The following MYO9B variants were observed in gnomAD, a reference collection of about 807,000 sequenced individuals.
The protein encoded by MYO9B is myosin IXB.
A neutral mutation model predicts 229.5 loss-of-function variants in MYO9B; 71 were observed. The observed-to-expected ratio is 0.31, with a 90% confidence interval of 0.26 to 0.38. The LOEUF is 0.38. Among genes scored for constraint, MYO9B ranks in the 10% least tolerant of loss-of-function variants. The pLI is 1.00. For synonymous variants in MYO9B, 1,185 were observed against 1,235.8 expected (o/e 0.96, Z 0.86); for missense variants, 2,255 against 2,920.5 (o/e 0.77, Z 5.25).
intron 1 of MYO9B, among the ~76,000 whole-genome samples, chr19:17,097,735 T>A (rs1429360423): frequency 6.6e-6 from 1 of 152,020 alleles, no homozygotes; most frequent in Non-Finnish European, 1.5e-5. Context: ...TCTCAGAGCC[T>A]CTAGTGGCCC....
chr19:17,137,840 A>C (rs1234973512), intron 2 of MYO9B, among the ~76,000 whole-genome samples: 3 of 151,552 alleles, frequency 2.0e-5, no homozygotes, highest in Non-Finnish European at 4.4e-5. Flanking sequence ...CCTGGGCTGA[A>C]GCAATCCTCC....
chr19:17,096,830 C>T (rs1277180256), intron 1 of MYO9B, among the ~76,000 whole-genome samples: 4 of 150,900 alleles, frequency 2.7e-5, no homozygotes, highest in African/African-American at 9.7e-5. Context: ...CTCAGCCTCC[C>T]GAGTAGCTGG....
chr19:17,099,617 C>G lies in MYO9B; in HGVS notation c.-58-2043C>G, dbSNP rs562664402. On this transcript the variant is annotated intron_variant, in intron 1 of 39. Transcript: ENST00000682292. ...GATCACGAGGTCAGGAGATAGAGAC[C>G]ATCCTGGCTAACATGGTGAAACTCC... Among the ~76,000 whole-genome samples, 303 of 151,992 alleles carry G rather than the reference C, an allele frequency of 2.0e-3. 1 individual carries two copies. Among genetic ancestry groups the G allele is most frequent in the Non-Finnish European group, 2.0e-3 (136 of 67,974 alleles).
chr19:17,129,402 C>T (rs1221124633), intron 2 of MYO9B, among the ~76,000 whole-genome samples: 4 of 142,444 alleles, frequency 2.8e-5, no homozygotes, highest in Non-Finnish European at 5.9e-5. Context: ...ACAGTTTCAA[C>T]AACAACAACA....
chr19:17,080,520 A>G (rs1412049188), intron 1 of MYO9B, among the ~76,000 whole-genome samples: 2 of 152,026 alleles, frequency 1.3e-5, no homozygotes, highest in Non-Finnish European at 2.9e-5. Context: ...CAGCAGTCAT[A>G]TGGAAGGGGG....
Position 17,172,852 on chromosome 19 carries a change from A to G in MYO9B, c.2029A>G (p.Met677Val), listed in dbSNP as rs1291428755. The change falls in exon 13 of 40, where the codon ATG becomes GTG. Residue 677 changes from methionine to valine, a missense_variant. By Grantham distance (21) the Met-to-Val change is conservative (BLOSUM62 1). Around this residue, in one of 7 missense-constraint regions of MYO9B, gnomAD observed 220 missense variants for 404.5 expected, o/e 0.54. Coordinates refer to ENST00000682292, the MANE Select transcript of MYO9B (RefSeq NM_004145.4). The surrounding 1 kb of genome is among the most constrained non-coding windows in gnomAD (Gnocchi z 8.2). Reference protein sequence around the residue: ...DSSYVRELIGMDPVAVFRWAV... With the variant: ...DSSYVRELIGVDPVAVFRWAV... ...CTCCTACGTGCGGGAGCTCATCGGC[A>G]TGGACCCCGTGGCCGTGTTCCGCTG... 5 of 1,610,176 alleles carry G rather than the reference A, an allele frequency of 3.1e-6. No homozygotes were observed. Among genetic ancestry groups the G allele is most frequent in the Non-Finnish European group, 4.2e-6 (5 of 1,179,798 alleles).
intron 6 of MYO9B, among the ~76,000 whole-genome samples, chr19:17,156,264 A>C (rs2072536579): frequency 6.6e-6 from 1 of 151,934 alleles, no homozygotes; most frequent in Admixed American, 6.6e-5. Context: ...AGACAGTTTC[A>C]CTAGCCAGGC....
intron 2 of MYO9B, among the ~76,000 whole-genome samples, chr19:17,144,691 A>G (rs2072385137): frequency 6.6e-6 from 1 of 150,808 alleles, no homozygotes; most frequent in Middle Eastern, 3.4e-3. Flanking sequence ...ATAAGAGACC[A>G]GGGGTGGTGG....
intron 8 of MYO9B, 104 bp from the exon 9 acceptor site, chr19:17,162,246 A>C: frequency 1.1e-6 from 1 of 876,996 alleles, no homozygotes; most frequent in East Asian, 2.7e-5. Context: ...TGGAGGTTGC[A>C]GTGAGCCGAG....
At position 17,102,791 on chromosome 19, in the gene MYO9B, C is replaced by G. The variant is rs2057757991; in HGVS notation, c.840+234C>G. Among the ~76,000 whole-genome samples, 3 of 151,378 alleles carry G rather than the reference C, an allele frequency of 2.0e-5. No individual in the cohort carries two copies. The South Asian group carries it at 6.2e-4, about 31-fold the overall frequency. ...GCATAGTAGTGCTCACCTGTAGTCC[C>G]AGCTGCTCAGGAGGCTGAGGCAGGA... On this transcript the variant is annotated intron_variant, in intron 2 of 39. Coordinates refer to ENST00000682292, the MANE Select transcript of MYO9B (RefSeq NM_004145.4).
chr19:17,151,337 A>G (rs1169797600), intron 3 of MYO9B, among the ~76,000 whole-genome samples: 5 of 152,048 alleles, frequency 3.3e-5, no homozygotes, highest in Non-Finnish European at 7.4e-5. Flanking sequence ...GACCATATGG[A>G]TACAACCAAG....
intron 22 of MYO9B, 77 bp from the exon 23 acceptor site, chr19:17,197,715 A>G: frequency 6.4e-7 from 1 of 1,553,516 alleles, no homozygotes. Flanking sequence ...CCAAGTGAGA[A>G]CCCAAGAACC....
In MYO9B at chr19:17,202,899, A is replaced by G. The variant is rs752061173; in HGVS notation, c.4878+16A>G. Reference sequence around the variant, plus strand: ...GGAGCGTGCTGTGAGTAGGCTGCACATAGATGAGAGTCCGAGCAGGCGAAC... The same window carrying G: ...GGAGCGTGCTGTGAGTAGGCTGCACGTAGATGAGAGTCCGAGCAGGCGAAC... On this transcript the variant is annotated intron_variant, in intron 29 of 39. Coordinates refer to ENST00000682292, the MANE Select transcript of MYO9B (RefSeq NM_004145.4). 8 of 1,598,008 alleles carry G rather than the reference A, an allele frequency of 5.0e-6. No homozygotes were observed. Among genetic ancestry groups the G allele is most frequent in the East Asian group, 2.3e-5 (1 of 44,042 alleles).
chr19:17,166,477 A>C (rs117256814), intron 10 of MYO9B, among the ~76,000 whole-genome samples: 1 of 151,438 alleles, frequency 6.6e-6, no homozygotes, highest in Non-Finnish European at 1.5e-5. Context: ...ACTCATATGC[A>C]TTTTGTTACT....
chr19:17,116,705 C>G (rs113551246), intron 2 of MYO9B, among the ~76,000 whole-genome samples: 3 of 151,994 alleles, frequency 2.0e-5, no homozygotes, highest in Non-Finnish European at 2.9e-5. Flanking sequence ...GGGTGCAGAC[C>G]GCAGAGAGGC....
chr19:17,210,201 T>G, intron 36 of MYO9B, 132 bp from the exon 37 acceptor site: 2 of 873,256 alleles, frequency 2.3e-6, no homozygotes, highest in Middle Eastern at 2.3e-4. Flanking sequence ...GGTGTGTTAG[T>G]GGGGAACGGG....
intron 2 of MYO9B, among the ~76,000 whole-genome samples, chr19:17,109,002 C>T (rs1261201122): frequency 6.7e-6 from 1 of 150,044 alleles, no homozygotes; most frequent in East Asian, 2.0e-4. Context: ...CGTGAGCCAC[C>T]ATGCCTGGCC....
At chr19:17,132,068 A>G (rs529204227) in intron 2 of MYO9B, among the ~76,000 whole-genome samples, 2 of 151,398 alleles carry the variant, frequency 1.3e-5, no homozygotes, top group African/African-American at 4.9e-5. Flanking sequence ...TTGTAGACAC[A>G]GGATCTCACG....
chr19:17,168,169 G>A, intron 11 of MYO9B, 105 bp downstream of exon 11: 4 of 1,424,460 alleles, frequency 2.8e-6, no homozygotes, highest in Non-Finnish European at 3.8e-6. Flanking sequence ...TCCCAAGAGC[G>A]CCTTTTTATT....
Sources: gnomAD v4.1 joint callset for allele counts (sites outside exome capture counted in the v4.1 genomes callset) on GRCh38, gnomAD v4.1.1 for gene constraint, gnomAD v4.1.1 regional missense constraint, Gnocchi (gnomAD v3.1) non-coding constraint, MANE v1.5 for transcripts, NCBI Gene and HGNC (gene_info 2026-07-23, HGNC 2026-07-21) for gene names.